Variants in CTCF observed in about 807,000 individuals in gnomAD.
CTCF encodes the protein transcriptional repressor CTCF.
In CTCF, 7 loss-of-function variants were observed where a neutral mutation model predicts 72.3. That is an observed-to-expected ratio of 0.10 (90% confidence interval 0.06 to 0.18). CTCF has a LOEUF of 0.18. CTCF is among the 10% of genes least tolerant of loss of function. The probability of loss-of-function intolerance (pLI) is 1.00; values close to 1 mark genes in which losing one functional copy is unlikely to be tolerated. For missense variants in CTCF, 516 were observed against 949.1 expected, an observed-to-expected ratio of 0.54 and a Z score of 6.00; for synonymous variants, 374 against 315.8, an observed-to-expected ratio of 1.18 and a Z score of -1.95.
At chr16:67,593,572 G>T (rs1567600765) in intron 2 of CTCF, among the ~76,000 whole-genome samples, 1 of 152,038 alleles carries the variant, frequency 6.6e-6, no homozygotes, top group Non-Finnish European at 1.5e-5. Context: ...ATGTCTGAGG[G>T]TTCGTATCAA....
At chr16:67,588,375 G>T (rs1374498772) in intron 2 of CTCF, among the ~76,000 whole-genome samples, 1 of 152,152 alleles carries the variant, frequency 6.6e-6, no homozygotes, top group East Asian at 1.9e-4. Context: ...AGACTGTAGG[G>T]CTGCTCCAAA....
At chr16:67,600,676 T>A (rs1248165495) in intron 2 of CTCF, among the ~76,000 whole-genome samples, 2 of 152,134 alleles carry the variant, frequency 1.3e-5, no homozygotes, top group South Asian at 2.1e-4. Flanking sequence ...CACCTAGTCA[T>A]AAGGACAGAT....
chr16:67,569,535 C>T (rs556798318), intron 1 of CTCF, among the ~76,000 whole-genome samples: 3 of 152,212 alleles, frequency 2.0e-5, no homozygotes, highest in South Asian at 2.1e-4. Context: ...AGGTTCCACT[C>T]TACCTTTGCT....
chr16:67,602,702 G>T (rs921664067), intron 2 of CTCF, among the ~76,000 whole-genome samples: 4 of 151,988 alleles, frequency 2.6e-5, no homozygotes, highest in African/African-American at 9.7e-5. Flanking sequence ...TTAGCCAGGT[G>T]TGGTGGCGCA....
At chr16:67,625,372 T>C (rs1423217890) in intron 7 of CTCF, among the ~76,000 whole-genome samples, 3 of 152,146 alleles carry the variant, frequency 2.0e-5, no homozygotes, top group African/African-American at 7.2e-5. Flanking sequence ...CTAATTTTTG[T>C]ACTTTTTAGT....
chr16:67,569,306 C>A (rs1160587600), intron 1 of CTCF, among the ~76,000 whole-genome samples: 1 of 152,140 alleles, frequency 6.6e-6, no homozygotes, highest in South Asian at 2.1e-4. Context: ...CTGCCTCAGC[C>A]TCCTGAGTAG....
At chr16:67,568,790 A>C (rs2051374458) in intron 1 of CTCF, among the ~76,000 whole-genome samples, 1 of 151,790 alleles carries the variant, frequency 6.6e-6, no homozygotes. Flanking sequence ...TGGCCTCTCA[A>C]AGTGCTGGAT....
chr16:67,569,968 A>G (rs1053995422), intron 1 of CTCF, among the ~76,000 whole-genome samples: 31 of 152,312 alleles, frequency 2.0e-4, no homozygotes, highest in Non-Finnish European at 2.1e-4. Context: ...TAAACTGGAA[A>G]GCATAGCCTT....
At chr16:67,581,156 C>A (rs1346692272) in intron 2 of CTCF, among the ~76,000 whole-genome samples, 1 of 149,540 alleles carries the variant, frequency 6.7e-6, no homozygotes. Flanking sequence ...TCTCGATCTG[C>A]TGACCTCCTG....
At position 67,562,816 on chromosome 16, in the gene CTCF, C is replaced by T. The variant is rs1402296410; in HGVS notation, c.-127+92C>T. On this transcript the variant is annotated intron_variant, in intron 1 of 11. Transcript: ENST00000264010. ...GTCGGCGCTGGCTGCAGCCCGGCGCCAGCGCCGCCGCCGGGGGGTGTTTGT... is the reference window on the plus strand; with the variant it reads ...GTCGGCGCTGGCTGCAGCCCGGCGCTAGCGCCGCCGCCGGGGGGTGTTTGT... The T allele has an allele frequency of 3.3e-5, 5 of 149,490 alleles. No homozygotes were observed. In the East Asian group the frequency reaches 7.9e-4, roughly 24 times the overall value. The allele number at this position is 149,490 out of a possible 1,614,324, so 9.3% of individuals were successfully genotyped here.
At chr16:67,618,775 G>A (rs1289686768) in intron 5 of CTCF, among the ~76,000 whole-genome samples, 2 of 152,142 alleles carry the variant, frequency 1.3e-5, no homozygotes, top group Non-Finnish European at 2.9e-5. Flanking sequence ...AAATAACTGA[G>A]GGATAAACTG....
chr16:67,569,963 T>C (rs1298023759), intron 1 of CTCF, among the ~76,000 whole-genome samples: 1 of 152,182 alleles, frequency 6.6e-6, no homozygotes, highest in Non-Finnish European at 1.5e-5. Context: ...CTTACTAAAC[T>C]GGAAAGCATA....
Position 67,637,975 on chromosome 16 carries a change from T to G in CTCF, c.*103T>G, listed in dbSNP as rs886643075. 1 of 1,094,118 alleles carries G rather than the reference T, an allele frequency of 9.1e-7. No homozygotes were observed. Among genetic ancestry groups the G allele is most frequent in the Non-Finnish European group, 1.3e-6 (1 of 783,644 alleles). 67.8% of individuals were successfully genotyped at this position (1,094,118 alleles called of 1,614,324 possible). ...TCTTTTTTTGGCTTTGGGAAAAGCA[T>G]CATTTTACCAAACATACCGAGAACG... On this transcript the variant is annotated 3_prime_UTR_variant, in exon 12 of 12. Transcript: ENST00000264010.
At chr16:67,588,302 AT>A (rs1567598377) in intron 2 of CTCF, among the ~76,000 whole-genome samples, 1 of 152,200 alleles carries the variant, frequency 6.6e-6, no homozygotes, top group East Asian at 1.9e-4. Flanking sequence ...TTTGTAATAC[AT>A]TTATTCAAGG....
intron 4 of CTCF, chr16:67,616,241 C>G (rs2142838242): frequency 6.5e-6 from 1 of 153,362 alleles, no homozygotes. Context: ...ATGTGGAAAA[C>G]AAGTTATATG....
chr16:67,624,300 CTT>C (rs2052252435), intron 7 of CTCF, among the ~76,000 whole-genome samples: 2 of 151,844 alleles, frequency 1.3e-5, no homozygotes, highest in Admixed American at 1.3e-4. Flanking sequence ...ATCTTTCCCT[CTT>C]GTCTGGCTTA....
intron 2 of CTCF, among the ~76,000 whole-genome samples, chr16:67,597,063 T>C (rs912792555): frequency 1.3e-5 from 2 of 152,142 alleles, no homozygotes; most frequent in Non-Finnish European, 2.9e-5. Context: ...AGACAGGGTC[T>C]CACTCTGCCG....
At chr16:67,595,936 C>CTTTTT (rs923154179) in intron 2 of CTCF, among the ~76,000 whole-genome samples, 3 of 151,280 alleles carry the variant, frequency 2.0e-5, no homozygotes, top group Non-Finnish European at 3.0e-5. Context: ...GAGTATCTTT[C>CTTTTT]TTTTTTTTTC....
chr16:67,623,858 G>A (rs938730824), intron 7 of CTCF, among the ~76,000 whole-genome samples: 5 of 151,986 alleles, frequency 3.3e-5, no homozygotes, highest in Non-Finnish European at 5.9e-5. Context: ...GACCATCCTG[G>A]CTAACACAGT....
Sources: allele counts gnomAD v4.1 joint callset (sites outside exome capture counted in the v4.1 genomes callset), GRCh38; gene constraint gnomAD v4.1.1; transcripts MANE v1.5; gene names NCBI Gene and HGNC (gene_info 2026-07-23, HGNC 2026-07-21).